The following EXOC4 variants were observed in gnomAD, a reference collection of about 807,000 sequenced individuals.
EXOC4 encodes exocyst complex component 4, also known as SEC8-like 1.
EXOC4 carries 71 observed loss-of-function variants against 107.2 expected under a neutral mutation model. The ratio of observed to expected loss-of-function variants is 0.66; its 90% CI spans 0.55 to 0.81. The LOEUF (loss-of-function observed/expected upper bound fraction) is 0.81, where lower values mean the gene tolerates loss of function less well. Ranked by LOEUF, EXOC4 falls within the 30% of genes least tolerant of loss-of-function variation. The pLI is 0.00. For synonymous variants in EXOC4, 456 were observed against 441.2 expected, an observed-to-expected ratio of 1.03 and a Z score of -0.42; for missense variants, 1,108 against 1,189.6, an observed-to-expected ratio of 0.93 and a Z score of 1.01.
chr7:133,850,035 A>G (rs1489840723), intron 11 of EXOC4, among the ~76,000 whole-genome samples: 1 of 152,210 alleles, frequency 6.6e-6, no homozygotes, highest in Non-Finnish European at 1.5e-5. Context: ...CTCAATGTAA[A>G]TATGTTCAGG....
chr7:133,372,791 T>G (rs1189018974), intron 6 of EXOC4, among the ~76,000 whole-genome samples: 5 of 152,268 alleles, frequency 3.3e-5, no homozygotes, highest in Non-Finnish European at 7.3e-5. Context: ...CATGGATCAA[T>G]ATGGTTTCAA....
chr7:133,716,614 G>C (rs1287998348), intron 10 of EXOC4, among the ~76,000 whole-genome samples: 9 of 152,182 alleles, frequency 5.9e-5, no homozygotes, highest in Non-Finnish European at 1.3e-4. Flanking sequence ...GAATATGTTT[G>C]TAATTATAGG....
At chr7:133,778,110 T>C (rs1796384039) in intron 10 of EXOC4, among the ~76,000 whole-genome samples, 2 of 152,236 alleles carry the variant, frequency 1.3e-5, no homozygotes, top group African/African-American at 4.8e-5. Context: ...TAACCAGGAC[T>C]GTGCCATGAT....
intron 5 of EXOC4, among the ~76,000 whole-genome samples, chr7:133,353,197 A>T (rs1465130406): frequency 2.6e-5 from 4 of 152,138 alleles, no homozygotes; most frequent in Non-Finnish European, 2.9e-5. Context: ...TAATTTTTAT[A>T]ATTGCCTAGA....
intron 2 of EXOC4, among the ~76,000 whole-genome samples, chr7:133,283,865 T>G (rs1051732033): frequency 6.6e-6 from 1 of 152,182 alleles, no homozygotes; most frequent in African/African-American, 2.4e-5. Flanking sequence ...TGTGTCTAGT[T>G]TTTTTTGCTT....
chr7:133,654,528 T>C (rs970800475), intron 10 of EXOC4, among the ~76,000 whole-genome samples: 1 of 152,158 alleles, frequency 6.6e-6, no homozygotes, highest in African/African-American at 2.4e-5. Context: ...ATTAACACTT[T>C]TAGAGGATCT....
intron 10 of EXOC4, among the ~76,000 whole-genome samples, chr7:133,655,412 A>G (rs918432356): frequency 3.9e-5 from 6 of 152,198 alleles, no homozygotes; most frequent in South Asian, 4.1e-4. Flanking sequence ...GCCCTGCTGT[A>G]TAATAGAACA....
At chr7:133,479,656 G>A in intron 8 of EXOC4, 1 of 197,248 alleles carries the variant, frequency 5.1e-6, no homozygotes, top group Admixed American at 5.1e-5. Flanking sequence ...GTTGGTAGCT[G>A]GCAGTCACTG....
chr7:133,331,588 C>G (rs1361358713), intron 5 of EXOC4, among the ~76,000 whole-genome samples: 2 of 151,452 alleles, frequency 1.3e-5, no homozygotes, highest in African/African-American at 2.4e-5. Context: ...GCCTCAGCCT[C>G]CCCAGTAGCT....
At chr7:134,078,182 C>G in the EXOC4 span, among the ~76,000 whole-genome samples, 1 of 152,038 alleles carries the variant, frequency 6.6e-6, no homozygotes, top group Non-Finnish European at 1.5e-5. Context: ...CTTTACCCCC[C>G]TTTTTCATTT....
intron 7 of EXOC4, among the ~76,000 whole-genome samples, chr7:133,379,033 A>G (rs977267515): frequency 3.3e-5 from 5 of 152,280 alleles, no homozygotes; most frequent in Non-Finnish European, 5.9e-5. Context: ...TTAAAATTGT[A>G]GAAAAGTTGT....
At chr7:133,546,257 T>TTG (rs1800479488) in intron 9 of EXOC4, among the ~76,000 whole-genome samples, 1 of 144,716 alleles carries the variant, frequency 6.9e-6, no homozygotes, top group South Asian at 2.3e-4. Flanking sequence ...GGAAAACTTT[T>TTG]TTTTTTTTTT....
chr7:133,998,041 G>A (rs1278052609), intron 15 of EXOC4, among the ~76,000 whole-genome samples: 1 of 152,188 alleles, frequency 6.6e-6, no homozygotes. Flanking sequence ...TGGTAGCTTT[G>A]CTATTGTGGT....
At chr7:133,459,252 G>C (rs1488904302) in intron 7 of EXOC4, among the ~76,000 whole-genome samples, 2 of 152,192 alleles carry the variant, frequency 1.3e-5, no homozygotes, top group East Asian at 1.9e-4. Flanking sequence ...GTAGAGCTGA[G>C]AATAATTAGG....
intron 17 of EXOC4, among the ~76,000 whole-genome samples, chr7:134,024,264 C>A (rs562519707): frequency 5.8e-4 from 89 of 152,236 alleles, no homozygotes; most frequent in African/African-American, 2.0e-3. Flanking sequence ...TCCTGGCTAA[C>A]GCGGTGAAAC....
At chr7:133,757,135 C>T (rs531990314) in intron 10 of EXOC4, among the ~76,000 whole-genome samples, 25 of 152,266 alleles carry the variant, frequency 1.6e-4, no homozygotes, top group African/African-American at 5.8e-4. Context: ...TGTCTTAATA[C>T]CGAAGATGCC....
intron 9 of EXOC4, among the ~76,000 whole-genome samples, chr7:133,573,120 T>G (rs994142669): frequency 1.3e-5 from 2 of 152,184 alleles, no homozygotes; most frequent in Admixed American, 6.5e-5. Context: ...TGGTAATACA[T>G]GAATAGTTAG....
intron 10 of EXOC4, among the ~76,000 whole-genome samples, chr7:133,688,643 C>T (rs1303704788): frequency 6.6e-6 from 1 of 152,120 alleles, no homozygotes; most frequent in Non-Finnish European, 1.5e-5. Flanking sequence ...TGTAGTTTGT[C>T]TGCCTTAGAA....
intron 11 of EXOC4, among the ~76,000 whole-genome samples, chr7:133,857,485 CCCG>C (rs1307621175): frequency 1.8e-5 from 1 of 54,658 alleles, no homozygotes; most frequent in Non-Finnish European, 3.5e-5. Flanking sequence ...TTCACTCATG[CCCG>C]TTGGGCTTGT....
Sources: allele counts gnomAD v4.1 joint callset (sites outside exome capture counted in the v4.1 genomes callset), GRCh38; gene constraint gnomAD v4.1.1; transcripts MANE v1.5; gene names NCBI Gene and HGNC (gene_info 2026-07-23, HGNC 2026-07-21).